TNRC18: variants seen among roughly 807,000 people sequenced by gnomAD.
TNRC18 encodes trinucleotide repeat-containing gene 18 protein.
Under a neutral mutation model 226.7 loss-of-function variants are expected in TNRC18, and 69 were observed. The ratio of observed to expected loss-of-function variants is 0.30; its 90% CI spans 0.25 to 0.37. The LOEUF (loss-of-function observed/expected upper bound fraction) is 0.37, where lower values mean the gene tolerates loss of function less well. Among genes scored for constraint, TNRC18 ranks in the 10% least tolerant of loss-of-function variants. TNRC18 has a pLI of 1.00. For synonymous variants in TNRC18, 2,449 were observed against 1,927.6 expected (o/e 1.27, Z -7.09); for missense variants, 4,754 against 4,256.6 (o/e 1.12, Z -3.25).
chr7:5,308,471 AAGAG>A (rs912214749), intron 29 of TNRC18, among the ~76,000 whole-genome samples, 159 bp from the exon 30 acceptor site: 3 of 152,024 alleles, frequency 2.0e-5, no homozygotes, highest in South Asian at 2.1e-4. Flanking sequence ...AGACCAACAA[AAGAG>A]AGACAGAGAC....
chr7:5,307,903 G>A lies in TNRC18; in HGVS notation c.*203C>T, dbSNP rs1786713513. ...GGGGGCACTGAGGGGTTGGAAGGTG[G>A]GGCTGGAGGCATGTGCACATGCGTG... is the stretch of plus-strand genomic sequence containing the variant. On this transcript the variant is annotated 3_prime_UTR_variant, in exon 30 of 30. Transcript: ENST00000430969. The A allele has an allele frequency of 1.5e-5, 9 of 593,314 alleles. No homozygotes were observed. The highest frequency in any genetic ancestry group is 2.7e-5 in the Non-Finnish European group (9 of 333,766). The allele number at this position is 593,314 out of a possible 1,614,324, so 36.8% of individuals were successfully genotyped here.
chr7:5,308,360 C>A lies in TNRC18; in HGVS notation c.8701-48G>T, dbSNP rs767350483. ...GGATGGCAGGTGGGGGGCACAGAGG[C>A]CGAGGGAGCCCCAGGGAGCCACAGG... On this transcript the variant is annotated intron_variant, in intron 29 of 29. Coordinates refer to ENST00000430969, the MANE Select transcript of TNRC18 (RefSeq NM_001080495.3). 4.5e-5 allele frequency: 70 copies of A among 1,550,516 alleles called. 1 individual carries two copies. The highest frequency in any genetic ancestry group is 1.2e-4 in the South Asian group (10 of 84,614).
In TNRC18 at chr7:5,333,055, C is replaced by A; in HGVS notation, c.5720-6G>T. ...GGTGTACTCGAACTCTGTGCCTGAA[C>A]GCGGGAGGAGGGCGTGCTGGTCACA... is the stretch of plus-strand genomic sequence containing the variant. On this transcript the variant is annotated splice_polypyrimidine_tract_variant and splice_region_variant and intron_variant, in intron 18 of 29. Transcript: ENST00000430969. 3 of 1,568,950 alleles carry A rather than the reference C, an allele frequency of 1.9e-6. No homozygotes were observed. Among genetic ancestry groups the A allele is most frequent in the Non-Finnish European group, 2.6e-6 (3 of 1,165,428 alleles).
intron 2 of TNRC18, chr7:5,420,314 C>T (rs1308231534): frequency 2.2e-6 from 1 of 450,760 alleles, no homozygotes; most frequent in Non-Finnish European, 4.5e-6. Flanking sequence ...CCTGCCCGAC[C>T]CGCTCTCTTC....
intron 29 of TNRC18, 147 bp from the exon 30 acceptor site, chr7:5,308,459 A>G: frequency 4.1e-6 from 3 of 727,076 alleles, no homozygotes; most frequent in East Asian, 2.7e-5. Context: ...TGAGTAAGAG[A>G]CAGACCAACA....
intron 2 of TNRC18, among the ~76,000 whole-genome samples, chr7:5,414,411 CTTTCT>C (rs1412680438): frequency 9.3e-5 from 14 of 151,142 alleles, no homozygotes; most frequent in Non-Finnish European, 1.8e-4. Flanking sequence ...TTTCAGTATT[CTTTCT>C]TTTGTTTTTT....
chr7:5,387,638 T>C (rs1245431072), intron 5 of TNRC18, 34 bp downstream of exon 5: 2 of 1,599,348 alleles, frequency 1.3e-6, no homozygotes, highest in African/African-American at 2.7e-5. Context: ...AGACCCAAGA[T>C]CCTACCCGCA....
Position 5,313,809 on chromosome 7 carries a change from G to A in TNRC18, c.7082C>T (p.Pro2361Leu), listed in dbSNP as rs1184978954. 14 of 1,514,960 alleles carry A rather than the reference G, an allele frequency of 9.2e-6. No homozygotes were observed. The highest frequency in any genetic ancestry group is 1.3e-5 in the South Asian group (1 of 75,562). 93.8% of individuals were successfully genotyped at this position (1,514,960 alleles called of 1,614,324 possible). ...GNPTDEVPST[P>L]LALEPSSTPG... is the part of the protein sequence containing the mutation. ...GGTGCTGCTCGGCTCCAGGGCTAAGGGGGTACTGGGGACCTCGTCTGTTGG... is the reference window on the plus strand; with the variant it reads ...GGTGCTGCTCGGCTCCAGGGCTAAGAGGGTACTGGGGACCTCGTCTGTTGG... The change falls in exon 27 of 30, where the codon CCC becomes CTC. Residue 2361 changes from proline to leucine, a missense_variant. Coordinates refer to ENST00000430969, the MANE Select transcript of TNRC18 (RefSeq NM_001080495.3).
intron 19 of TNRC18, among the ~76,000 whole-genome samples, chr7:5,326,242 A>G (rs1441807994): frequency 6.6e-6 from 1 of 151,892 alleles, no homozygotes. Flanking sequence ...CCATGCACAC[A>G]CAGTATTTTA....
At chr7:5,408,777 G>GAGA (rs1272390594) in intron 2 of TNRC18, among the ~76,000 whole-genome samples, 1 of 152,188 alleles carries the variant, frequency 6.6e-6, no homozygotes, top group Non-Finnish European at 1.5e-5. Flanking sequence ...AGCAATTCTG[G>GAGA]AGACTGAATC....
Position 5,308,861 on chromosome 7 carries a change from C to G in TNRC18, c.8700+14G>C. 2 of 1,570,640 alleles carry G rather than the reference C, an allele frequency of 1.3e-6. No individual in the cohort carries two copies. The highest frequency in any genetic ancestry group is 1.2e-5 in the South Asian group (1 of 85,688). ...ATCCCCAACCCGCCCACCACCACCACCACCACCACCTACCTCCATGAAGTC... is the reference window on the plus strand; with the variant it reads ...ATCCCCAACCCGCCCACCACCACCAGCACCACCACCTACCTCCATGAAGTC... On this transcript the variant is annotated intron_variant, in intron 29 of 29. Transcript: ENST00000430969.
intron 16 of TNRC18, among the ~76,000 whole-genome samples, chr7:5,355,922 T>C (rs113618521): frequency 0.13 from 20,386 of 151,832 alleles, 1,696 homozygotes; most frequent in East Asian, 0.2. Context: ...TCCCAGCACT[T>C]TGCAGGCCGA....
At chr7:5,415,989 C>T (rs940662776) in intron 2 of TNRC18, among the ~76,000 whole-genome samples, 8 of 151,496 alleles carry the variant, frequency 5.3e-5, no homozygotes, top group African/African-American at 1.7e-4. Context: ...TGGCAGGCGC[C>T]TGTAATCCCA....
Position 5,332,745 on chromosome 7 carries a change from C to G in TNRC18, c.6024G>C (p.Ser2008=), listed in dbSNP as rs994666674. 6 of 1,521,276 alleles carry G rather than the reference C, an allele frequency of 3.9e-6. No homozygotes were observed. In the South Asian group the frequency reaches 7.2e-5, roughly 18 times the overall value. 94.2% of individuals were successfully genotyped at this position (1,521,276 alleles called of 1,614,324 possible). Residue 2008 remains serine, a synonymous_variant, in exon 19 of 30, where the codon TCG becomes TCC. Coordinates refer to ENST00000430969, the MANE Select transcript of TNRC18 (RefSeq NM_001080495.3). ...RSERIFLHDA[S]AAAPAPVSTA... ...TGCTGACGGGCGCAGGTGCAGCAGC[C>G]GAGGCGTCGTGCAGGAAGATGCGCT...
At chr7:5,364,441 G>C (rs765006443) in intron 11 of TNRC18, among the ~76,000 whole-genome samples, 2 of 144,220 alleles carry the variant, frequency 1.4e-5, no homozygotes, top group Non-Finnish European at 3.0e-5. Context: ...CTGGGCAACA[G>C]AGCGAGCCTG....
At chr7:5,374,773 C>T (rs1413995393) in intron 9 of TNRC18, among the ~76,000 whole-genome samples, 2 of 152,240 alleles carry the variant, frequency 1.3e-5, no homozygotes, top group African/African-American at 4.8e-5. Flanking sequence ...AGGACCCCGG[C>T]CCTGCACGGA....
chr7:5,309,152 T>C lies in TNRC18; in HGVS notation c.8605A>G (p.Lys2869Glu). Residue 2869 changes from lysine (K) to glutamate (E), a missense_variant, in exon 28 of 30, where the codon AAG (lysine) becomes GAG (glutamate). Lys to Glu is a moderately conservative substitution (Grantham distance 56). Transcript: ENST00000430969. This position sits in a 1 kb window ranked among gnomAD's most constrained non-coding sequence, Gnocchi z 5.7. ...FYHPEETSPG[K>E]QFHQGQHWDQ... is the part of the protein sequence containing the mutation. ...CTCACCTGGCCCTGGTGGAACTGCTTGCCCGGGCTGGTCTCCTCGGGGTGG... is the reference window on the plus strand; with the variant it reads ...CTCACCTGGCCCTGGTGGAACTGCTCGCCCGGGCTGGTCTCCTCGGGGTGG... The C allele has an allele frequency of 6.2e-7, 1 of 1,610,920 alleles. No individual in the cohort carries two copies. The highest frequency in any genetic ancestry group is 8.5e-7 in the Non-Finnish European group (1 of 1,179,190).
chr7:5,374,202 T>TTGGGG lies in TNRC18; in HGVS notation c.3081_3082insCCCCA (p.Ser1028ProfsTer133). On this transcript the variant is annotated frameshift_variant, in exon 10 of 30. Coordinates refer to ENST00000430969, the MANE Select transcript of TNRC18 (RefSeq NM_001080495.3). LOFTEE classifies it high-confidence loss of function. ...GGCGGCGGGCTGGTGGGGTGGGAGC[T>TTGGGG]GGGGGTGGCGGGGTAGGCGTAGGCG... The TTGGGG allele has an allele frequency of 3.0e-6, 1 of 328,512 alleles. No homozygotes were observed. The allele number at this position is 328,512 out of a possible 1,614,324, so 20.3% of individuals were successfully genotyped here.
At chr7:5,408,105 T>C (rs1781596770) in intron 2 of TNRC18, among the ~76,000 whole-genome samples, 1 of 151,830 alleles carries the variant, frequency 6.6e-6, no homozygotes. Flanking sequence ...ATCGAGACCA[T>C]CCTGGCCAAC....
Sources: gnomAD v4.1 joint callset for allele counts (sites outside exome capture counted in the v4.1 genomes callset) on GRCh38, gnomAD v4.1.1 for gene constraint, Gnocchi (gnomAD v3.1) non-coding constraint, MANE v1.5 for transcripts, NCBI Gene and HGNC (gene_info 2026-07-23, HGNC 2026-07-21) for gene names.